Variants in ZFHX3 observed in about 807,000 individuals in gnomAD.
ZFHX3 encodes zinc finger homeobox protein 3.
In ZFHX3, 42 loss-of-function variants were observed where a neutral mutation model predicts 279.1. That is an observed-to-expected ratio of 0.15 (90% CI 0.12 to 0.19). The LOEUF (loss-of-function observed/expected upper bound fraction) is 0.19, where lower values mean the gene tolerates loss of function less well. Ranked by LOEUF, ZFHX3 falls within the 10% of genes least tolerant of loss-of-function variation. ZFHX3 has a pLI of 1.00. For missense variants in ZFHX3, 4,981 were observed against 4,754.0 expected (o/e 1.05, Z -1.40); for synonymous variants, 2,293 against 1,957.8 (o/e 1.17, Z -4.52).
At chr16:73,182,255 G>A (rs543527207) in intron 5 of ZFHX3, among the ~76,000 whole-genome samples, 13 of 152,234 alleles carry the variant, frequency 8.5e-5, no homozygotes, top group Non-Finnish European at 1.3e-4. Flanking sequence ...TTGGGAGTTC[G>A]AGACCACCCT....
intron 2 of ZFHX3, among the ~76,000 whole-genome samples, chr16:73,677,079 T>C (rs932966565): frequency 8.5e-5 from 13 of 152,088 alleles, no homozygotes; most frequent in Middle Eastern, 3.4e-3. Context: ...TAATTCTCTA[T>C]CTTAAGGAAA....
intron 5 of ZFHX3, among the ~76,000 whole-genome samples, chr16:73,211,100 T>C (rs2011999677): frequency 1.3e-5 from 2 of 152,106 alleles, no homozygotes; most frequent in Admixed American, 1.3e-4. Flanking sequence ...ATCAGGACAA[T>C]GTCGTGGGTT....
intron 3 of ZFHX3, among the ~76,000 whole-genome samples, chr16:72,917,460 G>A (rs1031405079): frequency 1.6e-4 from 24 of 152,156 alleles, no homozygotes; most frequent in East Asian, 1.9e-4. Context: ...ATCTATGAAC[G>A]TTTAATTTAT....
At chr16:73,792,382 A>G (rs1959852087) in intron 1 of ZFHX3, among the ~76,000 whole-genome samples, 1 of 152,226 alleles carries the variant, frequency 6.6e-6, no homozygotes, top group Admixed American at 6.5e-5. Flanking sequence ...CTAGGCAGCA[A>G]TACACATGAT....
chr16:72,919,272 C>T (rs985764310), intron 3 of ZFHX3, among the ~76,000 whole-genome samples: 1 of 152,098 alleles, frequency 6.6e-6, no homozygotes, highest in East Asian at 1.9e-4. Flanking sequence ...GATTCTCCCA[C>T]CTCAGCCTCC....
At chr16:72,825,368 T>C (rs2036905940) in intron 5 of ZFHX3, among the ~76,000 whole-genome samples, 1 of 152,232 alleles carries the variant, frequency 6.6e-6, no homozygotes, top group African/African-American at 2.4e-5. Flanking sequence ...AGATGAAAAC[T>C]AGATCTAATG....
intron 5 of ZFHX3, among the ~76,000 whole-genome samples, chr16:73,200,433 G>A (rs552821103): frequency 4.5e-4 from 68 of 152,094 alleles, no homozygotes; most frequent in Non-Finnish European, 7.9e-4. Flanking sequence ...TAATATTATC[G>A]AATAATCATA....
At chr16:73,545,199 C>T (rs147334785) in intron 2 of ZFHX3, among the ~76,000 whole-genome samples, 1 of 152,304 alleles carries the variant, frequency 6.6e-6, no homozygotes, top group Non-Finnish European at 1.5e-5. Flanking sequence ...CTCAGACCCC[C>T]ATAATGACAT....
intron 2 of ZFHX3, among the ~76,000 whole-genome samples, chr16:73,636,584 T>C (rs1199920676): frequency 1.3e-5 from 2 of 152,058 alleles, no homozygotes; most frequent in Admixed American, 1.3e-4. Context: ...GCAGTTAATT[T>C]AAAAAACACA....
At chr16:73,847,567 G>A (rs1207890230) in intron 1 of ZFHX3, among the ~76,000 whole-genome samples, 3 of 152,008 alleles carry the variant, frequency 2.0e-5, no homozygotes, top group African/African-American at 7.2e-5. Context: ...TCCATCCTTT[G>A]GTGAATGAGC....
chr16:73,734,821 G>A (rs532690286), intron 1 of ZFHX3, among the ~76,000 whole-genome samples: 1 of 152,152 alleles, frequency 6.6e-6, no homozygotes, highest in South Asian at 2.1e-4. Context: ...ATTACAGTAT[G>A]TGAATATGTA....
intron 4 of ZFHX3, among the ~76,000 whole-genome samples, chr16:73,316,987 T>C (rs926757204): frequency 5.9e-5 from 9 of 152,222 alleles, no homozygotes; most frequent in African/African-American, 2.2e-4. Flanking sequence ...TGAGAAACTT[T>C]GATACAGACA....
intron 3 of ZFHX3, among the ~76,000 whole-genome samples, chr16:73,419,854 T>C (rs894441441): frequency 1.6e-4 from 24 of 152,138 alleles, no homozygotes; most frequent in African/African-American, 5.3e-4. Flanking sequence ...GGTTAATACC[T>C]GCTTCTTGCT....
At position 73,142,647 on chromosome 16, in the gene ZFHX3, A is replaced by G. The variant is rs1347303541; in HGVS notation, c.-1024+1105T>C. On this transcript the variant is annotated intron_variant, in intron 6 of 17. Coordinates refer to the ZFHX3 transcript ENST00000641206. ...TGCATGACGGGTAGTGTGGAATGTG[A>G]TAAGTCAATGCCGCAGGCGCTGGTG... Among the ~76,000 whole-genome samples, 3 of 152,248 alleles carry G rather than the reference A, an allele frequency of 2.0e-5. No homozygotes were observed. The East Asian group carries it at 5.8e-4, about 29-fold the overall frequency.
intron 2 of ZFHX3, among the ~76,000 whole-genome samples, chr16:73,615,321 G>A (rs1177036689): frequency 6.6e-6 from 1 of 152,076 alleles, no homozygotes; most frequent in Non-Finnish European, 1.5e-5. Context: ...GCTTGGTCAG[G>A]GGTAAGAAAG....
intron 5 of ZFHX3, among the ~76,000 whole-genome samples, chr16:73,171,638 C>G (rs1967527223): frequency 6.6e-6 from 1 of 152,336 alleles, no homozygotes; most frequent in Middle Eastern, 3.4e-3. Flanking sequence ...TGATTCCTAA[C>G]TGTTAGCAGT....
intron 2 of ZFHX3, among the ~76,000 whole-genome samples, chr16:73,486,124 G>A (rs1335423904): frequency 1.3e-5 from 2 of 152,212 alleles, no homozygotes; most frequent in Non-Finnish European, 2.9e-5. Context: ...TCTGAAGGCG[G>A]GGAACATAAG....
intron 3 of ZFHX3, among the ~76,000 whole-genome samples, chr16:72,921,358 T>C (rs1332635169): frequency 1.3e-5 from 2 of 152,098 alleles, no homozygotes; most frequent in Non-Finnish European, 2.9e-5. Flanking sequence ...TGGCGAAAAA[T>C]GCTTGCGGCT....
At chr16:73,889,788 A>G (rs1311543883) in intron 1 of ZFHX3, among the ~76,000 whole-genome samples, 1 of 152,084 alleles carries the variant, frequency 6.6e-6, no homozygotes, top group Non-Finnish European at 1.5e-5. Flanking sequence ...TCACCCTTCT[A>G]CTGACTCTTC....
Sources: gnomAD v4.1 joint callset for allele counts (sites outside exome capture counted in the v4.1 genomes callset) on GRCh38, gnomAD v4.1.1 for gene constraint, MANE v1.5 for transcripts, NCBI Gene and HGNC (gene_info 2026-07-23, HGNC 2026-07-21) for gene names.